RAB1B: variants seen among roughly 807,000 people sequenced by gnomAD.
RAB1B encodes the protein RAB1B, member RAS oncogene family, also known as ras-related protein Rab-1B.
A neutral mutation model predicts 24.8 loss-of-function variants in RAB1B; 10 were observed. The observed-to-expected ratio is 0.40, with a 90% confidence interval of 0.25 to 0.68. The LOEUF is 0.68. RAB1B is among the 30% of genes least tolerant of loss of function. The pLI is 0.37. For synonymous variants in RAB1B, 99 were observed against 111.7 expected (o/e 0.89, Z 0.72); for missense variants, 154 against 271.2 (o/e 0.57, Z 3.04).
intron 1 of RAB1B, chr11:66,269,847 A>G (rs1198085626): frequency 1.3e-5 from 2 of 151,964 alleles, no homozygotes; most frequent in African/African-American, 2.4e-5. Context: ...TTGGAACTCA[A>G]GTATATTAAA....
At position 66,275,817 on chromosome 11, in the gene RAB1B, ACGTGAAGCAGTG is replaced by A. The variant is rs1565182473; in HGVS notation, c.294_305del (p.Asn98_Trp102delinsLys). ...GGCCCCCTTTAGGAATCCTACGCCA[ACGTGAAGCAGTG>A]GCTGCAGGAGATTGACCGCTATGCC... On this transcript the variant is annotated inframe_deletion, in exon 5 of 6. Transcript: ENST00000311481. The A allele has an allele frequency of 6.3e-7, 1 of 1,584,986 alleles. No homozygotes were observed. The highest frequency in any genetic ancestry group is 1.3e-5 in the African/African-American group (1 of 74,836).
chr11:66,276,564 T>C lies in RAB1B; in HGVS notation c.*326T>C, dbSNP rs1182982848. The C allele has an allele frequency of 6.5e-6, 2 of 308,576 alleles. No homozygotes were observed. The highest frequency in any genetic ancestry group is 2.2e-5 in the African/African-American group (1 of 45,040). The allele number at this position is 308,576 out of a possible 1,614,324, so 19.1% of individuals were successfully genotyped here. On this transcript the variant is annotated 3_prime_UTR_variant, in exon 6 of 6. Transcript: ENST00000311481. The stretch of plus-strand genomic sequence containing the variant: ...TCTGTCGGTGTCCCTCCCACCCCCA[T>C]GTATGCTGCACTGGGTTCTCTCCTT...
chr11:66,271,781 C>T lies in RAB1B; in HGVS notation c.15-16C>T. The stretch of plus-strand genomic sequence containing the variant: ...CTCCCTGCCTCCCTTCACGCCTTCC[C>T]ATCTTCTCTCTCCAGTGACTACCTG... On this transcript the variant is annotated splice_polypyrimidine_tract_variant and intron_variant, in intron 1 of 5. Coordinates refer to ENST00000311481, the MANE Select transcript of RAB1B (RefSeq NM_030981.3). 6.2e-7 allele frequency: 1 copy of T among 1,610,138 alleles called. No homozygotes were observed. Among genetic ancestry groups the T allele is most frequent in the Non-Finnish European group, 8.5e-7 (1 of 1,176,448 alleles).
At chr11:66,274,826 C>T (rs1278870376) in intron 4 of RAB1B, among the ~76,000 whole-genome samples, 1 of 148,232 alleles carries the variant, frequency 6.7e-6, no homozygotes, top group Non-Finnish European at 1.5e-5. Flanking sequence ...TCCATTTCCT[C>T]CCATTCCCCA....
Position 66,273,552 on chromosome 11 carries a change from C to T in RAB1B, c.279+1092C>T, listed in dbSNP as rs1203497851. Among the ~76,000 whole-genome samples the T allele has an allele frequency of 5.3e-5, 8 of 152,348 alleles. No individual in the cohort carries two copies. The East Asian group carries it at 1.5e-3, about 29-fold the overall frequency. On this transcript the variant is annotated intron_variant, in intron 4 of 5. Coordinates refer to ENST00000311481, the MANE Select transcript of RAB1B (RefSeq NM_030981.3). Reference sequence around the variant, plus strand: ...GTCTGTCCAGTGCTGCCTCCCATCACCCTGTGTTTGGTGCTTCCCCACTGC... The same window carrying T: ...GTCTGTCCAGTGCTGCCTCCCATCATCCTGTGTTTGGTGCTTCCCCACTGC...
intron 4 of RAB1B, 75 bp downstream of exon 4, chr11:66,272,535 TC>T: frequency 1.1e-6 from 1 of 948,488 alleles, no homozygotes; most frequent in Non-Finnish European, 1.6e-6. Flanking sequence ...CCTCCTTCCA[TC>T]CTCTCTTTCC....
At chr11:66,272,525 C>T (rs1857077167) in intron 4 of RAB1B, 65 bp downstream of exon 4, 3 of 1,045,430 alleles carry the variant, frequency 2.9e-6, no homozygotes, top group Admixed American at 2.4e-5. Flanking sequence ...TCTTCTTTTT[C>T]CTCCTTCCAT....
At chr11:66,273,608 G>A (rs524859) in intron 4 of RAB1B, among the ~76,000 whole-genome samples, 41,737 of 152,090 alleles carry the variant, frequency 0.27, 6,442 homozygotes, top group Non-Finnish European at 0.35. Flanking sequence ...CTTGTGCATG[G>A]CTGCGGCCAC....
At chr11:66,270,071 C>G (rs1036626889) in intron 1 of RAB1B, 4 of 152,120 alleles carry the variant, frequency 2.6e-5, no homozygotes, top group Non-Finnish European at 5.9e-5. Context: ...GACAGGGTCT[C>G]GATATGTTTC....
At chr11:66,271,488 CAAAAAAAA>C (rs71270565) in intron 1 of RAB1B, 29 of 48,492 alleles carry the variant, frequency 6.0e-4, no homozygotes, top group Admixed American at 8.8e-4. Context: ...AACTCAGTCT[CAAAAAAAA>C]AAAAAAAAAA....
Position 66,276,250 on chromosome 11 carries a change from G to T in RAB1B, c.*12G>T. On this transcript the variant is annotated 3_prime_UTR_variant, in exon 6 of 6. Transcript: ENST00000311481. ...GTGGCTGTTGCTAGGAGGGGCACAT[G>T]GAGTGGGACAGGAGGGGGCACCTTC... is the stretch of plus-strand genomic sequence containing the variant. 2 of 1,573,240 alleles carry T rather than the reference G, an allele frequency of 1.3e-6. No individual in the cohort carries two copies. Among genetic ancestry groups the T allele is most frequent in the Non-Finnish European group, 1.7e-6 (2 of 1,164,318 alleles).
At chr11:66,275,773 C>T in intron 4 of RAB1B, 31 bp from the exon 5 acceptor site, 2 of 1,553,946 alleles carry the variant, frequency 1.3e-6, no homozygotes, top group Non-Finnish European at 1.7e-6. Flanking sequence ...CAGTTGGGAG[C>T]AAAATAACTT....
intron 4 of RAB1B, among the ~76,000 whole-genome samples, chr11:66,275,170 C>T (rs1049806548): frequency 3.3e-5 from 5 of 152,180 alleles, no homozygotes; most frequent in African/African-American, 4.8e-5. Flanking sequence ...GCTTCTGGCT[C>T]CTAAGGAGTA....
intron 4 of RAB1B, among the ~76,000 whole-genome samples, chr11:66,275,290 A>G (rs190122796): frequency 2.0e-4 from 30 of 152,174 alleles, no homozygotes; most frequent in Admixed American, 1.8e-3. Flanking sequence ...GTTGGTGCCA[A>G]AAGTAGGATG....
chr11:66,268,890 C>T (rs772152159), intron 1 of RAB1B, among the ~76,000 whole-genome samples, 197 bp downstream of exon 1: 1 of 147,608 alleles, frequency 6.8e-6, no homozygotes, highest in Admixed American at 6.8e-5. Context: ...AAACCCCGAG[C>T]CCTCGCACCC....
chr11:66,271,830 C>T lies in RAB1B; in HGVS notation c.48C>T (p.Asp16=), dbSNP rs775050816. ...DYLFKLLLIG[D]SGVGKSCLLL... Reference sequence around the variant, plus strand: ...TGTTTAAGCTGCTTTTGATTGGCGACTCAGGCGTGGGCAAGTCATGCCTGC... The same window carrying T: ...TGTTTAAGCTGCTTTTGATTGGCGATTCAGGCGTGGGCAAGTCATGCCTGC... Residue 16 remains aspartate, a synonymous_variant, in exon 2 of 6, where the codon GAC becomes GAT. Transcript: ENST00000311481. 2 of 1,614,142 alleles carry T rather than the reference C, an allele frequency of 1.2e-6. No individual in the cohort carries two copies. Among genetic ancestry groups the T allele is most frequent in the Non-Finnish European group, 1.7e-6 (2 of 1,180,008 alleles).
rs1481140482 is a variant in RAB1B, at chr11:66,277,407, A to G, written c.*1169A>G. 1 of 152,552 alleles carries G rather than the reference A, an allele frequency of 6.6e-6. No homozygotes were observed. The highest frequency in any genetic ancestry group is 1.9e-4 in the East Asian group (1 of 5,192). The allele number at this position is 152,552 out of a possible 1,614,324, so 9.4% of individuals were successfully genotyped here. A position where few individuals can be genotyped will look rare whatever the true frequency, so the allele number is the denominator to read the frequency against. ...TCATGTCAGGCATTTTGCAAGGAAA[A>G]GCCACTTGGGGAAAGATGGAAAAGG... On this transcript the variant is annotated 3_prime_UTR_variant, in exon 6 of 6. Transcript: ENST00000311481.
rs1297663303 is a variant in RAB1B at position 66,271,887 on chromosome 11, C to T, written c.87+18C>T. 2 of 1,605,036 alleles carry T rather than the reference C, an allele frequency of 1.2e-6. No homozygotes were observed. The highest frequency in any genetic ancestry group is 2.2e-5 in the East Asian group (1 of 44,844). ...GGTTTGCTGTGAGTAAGAAGCCTCC[C>T]ATACCATCCACCTGGGGTCCTGACT... On this transcript the variant is annotated intron_variant, in intron 2 of 5. Coordinates refer to ENST00000311481, the MANE Select transcript of RAB1B (RefSeq NM_030981.3).
intron 1 of RAB1B, chr11:66,271,471 A>G (rs1324932832): frequency 1.6e-5 from 3 of 186,816 alleles, no homozygotes; most frequent in South Asian, 1.7e-4. Context: ...CTGGGCAACA[A>G]GAGCAAAACT....
Sources: allele counts gnomAD v4.1 joint callset (sites outside exome capture counted in the v4.1 genomes callset), GRCh38; gene constraint gnomAD v4.1.1; transcripts MANE v1.5; gene names NCBI Gene and HGNC (gene_info 2026-07-23, HGNC 2026-07-21).